CLGN: variants seen among roughly 807,000 people sequenced by gnomAD.
CLGN encodes testis tissue sperm-binding protein Li 79P.
CLGN carries 62 observed loss-of-function variants against 79.1 expected under a neutral mutation model. The ratio of observed to expected loss-of-function variants is 0.78; its 90% CI spans 0.64 to 0.97. CLGN has a LOEUF of 0.97. Among genes scored for constraint, CLGN ranks in the 50% least tolerant of loss-of-function variants. The probability of loss-of-function intolerance (pLI) is 0.00; values close to 1 mark genes in which losing one functional copy is unlikely to be tolerated. For missense variants in CLGN, 647 were observed against 715.5 expected (o/e 0.90, Z 1.09); for synonymous variants, 225 against 224.7 (o/e 1.00, Z -0.01).
Position 140,398,954 on chromosome 4 carries a change from T to G in CLGN, c.781A>C (p.Ile261Leu), listed in dbSNP as rs763114653. 2.5e-6 allele frequency: 4 copies of G among 1,613,930 alleles called. No homozygotes were observed. In the Admixed American group the frequency reaches 6.7e-5, roughly 27 times the overall value. ...TCTTCAATTTCTTTGGGAGGTTTGA[T>G]AGGAGGAACCACATCCTCTAGGAGG... ...GSLLEDVVPP[I>L]KPPKEIEDPN... The change falls in exon 8 of 15, where the codon ATC becomes CTC. Residue 261 changes from isoleucine (I) to leucine (L), a missense_variant. Ile to Leu is a conservative substitution (Grantham distance 5). Transcript: ENST00000325617.
intron 12 of CLGN, 86 bp from the exon 13 acceptor site, chr4:140,392,464 G>A: frequency 6.8e-7 from 1 of 1,477,202 alleles, no homozygotes; most frequent in Non-Finnish European, 9.1e-7. Context: ...CATACATAAT[G>A]AACTATCAGT....
intron 1 of CLGN, among the ~76,000 whole-genome samples, chr4:140,419,611 A>G (rs1326754281): frequency 6.6e-6 from 1 of 152,186 alleles, no homozygotes; most frequent in Non-Finnish European, 1.5e-5. Flanking sequence ...ATCAAAGCAC[A>G]TTCAAAAGAT....
rs1728816975 is a variant in CLGN, at chr4:140,393,685, C to T, written c.1365+141G>A. ...AAGCAAAATATTCTGTCTACATAAACTTATTCAAACACATTTCCTTGGCAT... is the reference window on the plus strand; with the variant it reads ...AAGCAAAATATTCTGTCTACATAAATTTATTCAAACACATTTCCTTGGCAT... On this transcript the variant is annotated intron_variant, in intron 11 of 14. Coordinates refer to ENST00000325617, the MANE Select transcript of CLGN (RefSeq NM_004362.3). 34 of 705,690 alleles carry T rather than the reference C, an allele frequency of 4.8e-5. 2 individuals carry two copies. In the South Asian group the frequency reaches 6.3e-4, roughly 13 times the overall value. The allele number at this position is 705,690 out of a possible 1,614,324, so 43.7% of individuals were successfully genotyped here. A position where few individuals can be genotyped will look rare whatever the true frequency, so the allele number is the denominator to read the frequency against.
intron 8 of CLGN, among the ~76,000 whole-genome samples, chr4:140,397,709 G>C (rs1367690924): frequency 6.6e-6 from 1 of 151,920 alleles, no homozygotes; most frequent in Non-Finnish European, 1.5e-5. Context: ...TTCGAGACCA[G>C]CCTGACCAAC....
Position 140,396,862 on chromosome 4 carries a change from C to CATATATATATACAT in CLGN, c.885-671_885-658dup, listed in dbSNP as rs1728887359. Among the ~76,000 whole-genome samples, 3 of 94,258 alleles carry CATATATATATACAT rather than the reference C, an allele frequency of 3.2e-5. No homozygotes were observed. The East Asian group carries it at 8.2e-4, about 26-fold the overall frequency. 61.8% of individuals were successfully genotyped at this position (94,258 alleles called of 152,430 possible). A position where few individuals can be genotyped will look rare whatever the true frequency, so the allele number is the denominator to read the frequency against. Reference sequence around the variant, plus strand: ...CATGAGCCACCATGCCTGGCTGGAGCATATATATATACATATATATATATA... The same window carrying CATATATATATACAT: ...CATGAGCCACCATGCCTGGCTGGAGCATATATATATACATATATATATATACATATATATATATA... On this transcript the variant is annotated intron_variant, in intron 8 of 14. Coordinates refer to ENST00000325617, the MANE Select transcript of CLGN (RefSeq NM_004362.3).
chr4:140,408,852 T>C (rs899067738), intron 4 of CLGN, among the ~76,000 whole-genome samples: 25 of 134,856 alleles, frequency 1.9e-4, no homozygotes, highest in African/African-American at 2.6e-4. Context: ...CTTTTTGGAG[T>C]TGATAAGCAT....
intron 1 of CLGN, among the ~76,000 whole-genome samples, 184 bp downstream of exon 1, chr4:140,427,353 C>G (rs1729589850): frequency 6.6e-6 from 1 of 152,206 alleles, no homozygotes; most frequent in South Asian, 2.1e-4. Context: ...CCAGTCAAGA[C>G]CCTAGCTCGC....
rs1446840911 is a variant in CLGN at position 140,393,842 on chromosome 4, A to G, written c.1349T>C (p.Ile450Thr). 13 of 1,613,432 alleles carry G rather than the reference A, an allele frequency of 8.1e-6. No homozygotes were observed. Among genetic ancestry groups the G allele is most frequent in the Non-Finnish European group, 7.6e-6 (9 of 1,179,626 alleles). The change falls in exon 11 of 15, where the codon ATA (isoleucine) becomes ACA (threonine). Residue 450 changes from isoleucine to threonine, a missense_variant. Coordinates refer to ENST00000325617, the MANE Select transcript of CLGN (RefSeq NM_004362.3). ...ACACCATACCTTATTAGCATTTGCT[A>G]TCATTATTTTCCATCTCCAACCATC... ...AADGWRWKIM[I>T]ANANKPGVLK...
At chr4:140,389,371 ATATATT>A in intron 14 of CLGN, 67 bp from the exon 15 acceptor site, 1 of 1,104,454 alleles carries the variant, frequency 9.1e-7, no homozygotes, top group South Asian at 1.3e-5. Context: ...GTAGTAAACA[ATATATT>A]TATTATTCTC....
chr4:140,423,540 T>C (rs771341480), intron 1 of CLGN, among the ~76,000 whole-genome samples: 1 of 152,254 alleles, frequency 6.6e-6, no homozygotes, highest in Non-Finnish European at 1.5e-5. Context: ...GCTGGCTTCA[T>C]AGAATGAATC....
chr4:140,392,348 T>G lies in CLGN; in HGVS notation c.1522A>C (p.Thr508Pro), dbSNP rs774545807. The change falls in exon 13 of 15, where the codon ACC (threonine) becomes CCC (proline). Residue 508 changes from threonine to proline, a missense_variant. Thr to Pro is a conservative substitution (Grantham distance 38). Transcript: ENST00000325617. ...KKHKDTEYKK[T>P]DICIPQTKGV... is the part of the protein sequence containing the mutation. ...TTTGTTTGTGGTATACATATGTCGG[T>G]TTTTTTATACTCTGTATCTTTATGT... 6 of 1,607,284 alleles carry G rather than the reference T, an allele frequency of 3.7e-6. No individual in the cohort carries two copies. Among genetic ancestry groups the G allele is most frequent in the Non-Finnish European group, 5.1e-6 (6 of 1,177,298 alleles).
intron 10 of CLGN, among the ~76,000 whole-genome samples, chr4:140,395,530 AT>A (rs890841997): frequency 6.6e-6 from 1 of 152,224 alleles, no homozygotes; most frequent in Non-Finnish European, 1.5e-5. Flanking sequence ...ATATGAGTCT[AT>A]TTGATCAAAA....
At chr4:140,413,122 A>G (rs1389938629) in intron 1 of CLGN, 35 bp from the exon 2 acceptor site, 1 of 1,517,472 alleles carries the variant, frequency 6.6e-7, no homozygotes, top group African/African-American at 1.4e-5. Context: ...AAAATAAAAC[A>G]AAATTGTGAA....
chr4:140,391,187 C>T lies in CLGN; in HGVS notation c.1652-459G>A, dbSNP rs199629806. Among the ~76,000 whole-genome samples the T allele has an allele frequency of 2.0e-4, 31 of 151,772 alleles. No homozygotes were observed. In the East Asian group the frequency reaches 5.4e-3, roughly 26 times the overall value. On this transcript the variant is annotated intron_variant, in intron 13 of 14. Transcript: ENST00000325617. Reference sequence around the variant, plus strand: ...ATTATTAACCAAAAGATATTAAGCACGTCCTAGGAGCTATATAAAGTAAAA... The same window carrying T: ...ATTATTAACCAAAAGATATTAAGCATGTCCTAGGAGCTATATAAAGTAAAA...
In CLGN at chr4:140,410,596, C is replaced by A; in HGVS notation, c.175G>T (p.Glu59Ter). The change falls in exon 3 of 15, where the codon GAA becomes TAA. Residue 59 changes from glutamate to a stop codon, truncating the protein, a stop_gained. Coordinates refer to ENST00000325617, the MANE Select transcript of CLGN (RefSeq NM_004362.3). LOFTEE classifies it high-confidence loss of function. ...IKYKTPQPIG[E>*]VYFAETFDSG... is the part of the protein sequence containing the mutation. The stretch of plus-strand genomic sequence containing the variant: ...TCAAAAGTTTCTGCAAAATATACTT[C>A]TCCTATAGGTTGAGGTGTCTTATAT... 2 of 1,602,516 alleles carry A rather than the reference C, an allele frequency of 1.2e-6. No individual in the cohort carries two copies. Among genetic ancestry groups the A allele is most frequent in the Non-Finnish European group, 1.7e-6 (2 of 1,169,960 alleles).
intron 8 of CLGN, among the ~76,000 whole-genome samples, chr4:140,396,862 C>CAT (rs202204415): frequency 0.088 from 8,250 of 93,734 alleles, 397 homozygotes; most frequent in Middle Eastern, 0.17. Context: ...CTGGCTGGAG[C>CAT]ATATATATAT....
chr4:140,402,766 T>C (rs1047394150), intron 5 of CLGN, among the ~76,000 whole-genome samples: 13 of 152,096 alleles, frequency 8.5e-5, no homozygotes, highest in African/African-American at 2.9e-4. Context: ...GCTATGGCAA[T>C]GAGGCATAGA....
At chr4:140,425,990 C>T (rs1360901567) in intron 1 of CLGN, among the ~76,000 whole-genome samples, 6 of 152,094 alleles carry the variant, frequency 3.9e-5, no homozygotes, top group East Asian at 3.8e-4. Context: ...CTTATAACTG[C>T]GATGCCTTTC....
Position 140,413,061 on chromosome 4 carries a change from A to G in CLGN, c.18T>C (p.Phe6=), listed in dbSNP as rs932362856. The G allele has an allele frequency of 1.9e-6, 3 of 1,609,550 alleles. No individual in the cohort carries two copies. Among genetic ancestry groups the G allele is most frequent in the Non-Finnish European group, 2.5e-6 (3 of 1,178,710 alleles). Residue 6 remains phenylalanine, a synonymous_variant, in exon 2 of 15, where the codon TTT becomes TTC. Transcript: ENST00000325617. ...TGAACAGAAGACCCAAACATAGCCA[A>G]AAGGCTTGGAAATGCATATTGATTA... The part of the protein sequence containing the change: MHFQA[F]WLCLGLLFIS...
Sources: allele counts gnomAD v4.1 joint callset (sites outside exome capture counted in the v4.1 genomes callset), GRCh38; gene constraint gnomAD v4.1.1; transcripts MANE v1.5; gene names NCBI Gene and HGNC (gene_info 2026-07-23, HGNC 2026-07-21).